Variants in EPB41L3 observed in about 807,000 individuals in gnomAD.
EPB41L3 encodes the protein band 4.1-like protein 3.
A neutral mutation model predicts 127.1 loss-of-function variants in EPB41L3; 57 were observed. That is an observed-to-expected ratio of 0.45 (90% CI 0.36 to 0.56). EPB41L3 has a LOEUF of 0.56. Ranked by LOEUF, EPB41L3 falls within the 20% of genes least tolerant of loss-of-function variation. The pLI, the probability that EPB41L3 is intolerant of heterozygous loss-of-function variation, is 0.00. For synonymous variants in EPB41L3, 572 were observed against 549.5 expected (o/e 1.04, Z -0.57); for missense variants, 1,273 against 1,372.2 (o/e 0.93, Z 1.14).
At chr18:5,427,868 C>T (rs1057082735) in intron 9 of EPB41L3, among the ~76,000 whole-genome samples, 28 of 152,054 alleles carry the variant, frequency 1.8e-4, no homozygotes, top group Non-Finnish European at 3.7e-4. Context: ...GCCTCAGCCT[C>T]CCGAGTAGCT....
At chr18:5,515,505 T>G (rs2092713418) in intron 1 of EPB41L3, among the ~76,000 whole-genome samples, 2 of 152,164 alleles carry the variant, frequency 1.3e-5, no homozygotes, top group Admixed American at 1.3e-4. Context: ...GATTCAGAAT[T>G]GCAGAGAACA....
chr18:5,604,466 T>TC (rs1404811008), intron 3 of EPB41L3, among the ~76,000 whole-genome samples: 2 of 151,764 alleles, frequency 1.3e-5, no homozygotes, highest in East Asian at 3.9e-4. Flanking sequence ...TTTCTTTCTC[T>TC]TTTTTTTGAC....
intron 2 of EPB41L3, among the ~76,000 whole-genome samples, chr18:5,487,830 GAAATA>G (rs1357719520): frequency 2.0e-5 from 3 of 148,948 alleles, no homozygotes; most frequent in African/African-American, 4.9e-5. Flanking sequence ...TCTAGGTAAA[GAAATA>G]AAATAATCAG....
At chr18:5,465,946 T>C (rs1000365456) in intron 3 of EPB41L3, among the ~76,000 whole-genome samples, 1 of 149,490 alleles carries the variant, frequency 6.7e-6, no homozygotes, top group African/African-American at 2.5e-5. Context: ...TGGGGGTGAG[T>C]GATCCATATG....
chr18:5,401,793 G>A (rs2074537876), intron 16 of EPB41L3, among the ~76,000 whole-genome samples: 1 of 151,700 alleles, frequency 6.6e-6, no homozygotes, highest in South Asian at 2.1e-4. Context: ...TTTTTCTCTA[G>A]TATTAAATAG....
chr18:5,485,228 C>T (rs1339555350), intron 2 of EPB41L3, among the ~76,000 whole-genome samples: 1 of 151,948 alleles, frequency 6.6e-6, no homozygotes, highest in South Asian at 2.1e-4. Context: ...ATCACATTAA[C>T]AGAATCAAGA....
intron 1 of EPB41L3, among the ~76,000 whole-genome samples, chr18:5,535,576 T>C (rs2093547977): frequency 1.3e-5 from 2 of 152,102 alleles, no homozygotes; most frequent in African/African-American, 4.8e-5. Context: ...TTAGTAACTC[T>C]AGGAAAAAAT....
intron 5 of EPB41L3, among the ~76,000 whole-genome samples, chr18:5,440,525 C>T (rs1314154581): frequency 6.6e-6 from 1 of 151,952 alleles, no homozygotes; most frequent in Non-Finnish European, 1.5e-5. Flanking sequence ...CAAATGAGGG[C>T]CCTAGTTAGA....
intron 1 of EPB41L3, among the ~76,000 whole-genome samples, chr18:5,527,951 C>CA (rs1373786356): frequency 6.6e-6 from 1 of 152,022 alleles, no homozygotes; most frequent in African/African-American, 2.4e-5. Context: ...TAGACAACAA[C>CA]AAAAAGCTAC....
intron 2 of EPB41L3, among the ~76,000 whole-genome samples, chr18:5,481,857 C>T (rs1030293685): frequency 2.1e-4 from 32 of 152,168 alleles, no homozygotes; most frequent in Admixed American, 9.8e-4. Context: ...GGCCACCTAG[C>T]GCCAAAGAGG....
chr18:5,557,958 G>T (rs1425019634), intron 3 of EPB41L3, among the ~76,000 whole-genome samples: 1 of 152,144 alleles, frequency 6.6e-6, no homozygotes, highest in Non-Finnish European at 1.5e-5. Context: ...GTTTGGAAGG[G>T]ACTTCAAAAA....
At chr18:5,602,413 A>ACTCCACAGATT (rs2094601470) in intron 3 of EPB41L3, among the ~76,000 whole-genome samples, 1 of 152,066 alleles carries the variant, frequency 6.6e-6, no homozygotes, top group Non-Finnish European at 1.5e-5. Context: ...ATCAATAGGG[A>ACTCCACAGATT]CTCCACAGAT....
chr18:5,404,071 A>C (rs1452650962), intron 16 of EPB41L3, among the ~76,000 whole-genome samples: 1 of 152,172 alleles, frequency 6.6e-6, no homozygotes, highest in African/African-American at 2.4e-5. Flanking sequence ...TTGGAGTATA[A>C]ACTTGATGTC....
chr18:5,394,953 T>C, intron 21 of EPB41L3, 114 bp downstream of exon 21: 2 of 1,245,494 alleles, frequency 1.6e-6, no homozygotes, highest in Non-Finnish European at 2.3e-6. Context: ...GGAAAGTTAA[T>C]TCGGAATTTT....
intron 1 of EPB41L3, among the ~76,000 whole-genome samples, chr18:5,539,378 T>C (rs528210307): frequency 3.3e-5 from 5 of 152,294 alleles, no homozygotes; most frequent in African/African-American, 1.2e-4. Context: ...TACAAAAGAA[T>C]TGGTGCTAAT....
intron 3 of EPB41L3, among the ~76,000 whole-genome samples, chr18:5,551,675 GT>G (rs758041623): frequency 4.6e-5 from 7 of 152,130 alleles, no homozygotes; most frequent in Non-Finnish European, 8.8e-5. Flanking sequence ...AGTTGTGATA[GT>G]GCCACTGTAC....
rs762089110 is a variant in EPB41L3 at position 5,416,385 on chromosome 18, T to TGAAAGAGACA, written c.1507-17_1507-8dup. On this transcript the variant is annotated splice_polypyrimidine_tract_variant and splice_region_variant and intron_variant, in intron 12 of 22. Transcript: ENST00000341928. The stretch of plus-strand genomic sequence containing the variant: ...CAGTGCCAAGCCCAGGTGACTGATG[T>TGAAAGAGACA]GAAAGAGACAGAAAGAGACAGAAAG... 3.7e-6 allele frequency: 6 copies of TGAAAGAGACA among 1,604,356 alleles called. No individual in the cohort carries two copies. Among genetic ancestry groups the TGAAAGAGACA allele is most frequent in the Non-Finnish European group, 5.1e-6 (6 of 1,174,266 alleles).
chr18:5,588,341 G>A (rs1165952894), intron 3 of EPB41L3, among the ~76,000 whole-genome samples: 1 of 151,930 alleles, frequency 6.6e-6, no homozygotes, highest in East Asian at 1.9e-4. Context: ...TGTGGAAATG[G>A]CCTTTTCCTA....
At chr18:5,555,251 C>T (rs935403398) in intron 3 of EPB41L3, among the ~76,000 whole-genome samples, 1 of 152,162 alleles carries the variant, frequency 6.6e-6, no homozygotes, top group Non-Finnish European at 1.5e-5. Flanking sequence ...GACCTCCCAT[C>T]CCCTAGTCAC....
Sources: gnomAD v4.1 joint callset for allele counts (sites outside exome capture counted in the v4.1 genomes callset) on GRCh38, gnomAD v4.1.1 for gene constraint, MANE v1.5 for transcripts, NCBI Gene and HGNC (gene_info 2026-07-23, HGNC 2026-07-21) for gene names.